The following ZFPM2 variants were observed in gnomAD, a reference collection of about 807,000 sequenced individuals.
ZFPM2 encodes the protein zinc finger protein ZFPM2.
Under a neutral mutation model 98.6 loss-of-function variants are expected in ZFPM2, and 20 were observed. The ratio of observed to expected loss-of-function variants is 0.20; its 90% CI spans 0.14 to 0.29. ZFPM2 has a LOEUF of 0.29. ZFPM2 is among the 10% of genes least tolerant of loss of function. ZFPM2 has a pLI of 1.00. For missense variants in ZFPM2, 1,310 were observed against 1,388.6 expected, an observed-to-expected ratio of 0.94 and a Z score of 0.90; for synonymous variants, 518 against 502.7, an observed-to-expected ratio of 1.03 and a Z score of -0.41.
intron 2 of ZFPM2, 26 bp downstream of exon 2, chr8:105,419,328 A>T (rs754393862): frequency 6.2e-7 from 1 of 1,605,640 alleles, no homozygotes. Context: ...TGGATGTAAT[A>T]TGTGAGTCCA....
intron 4 of ZFPM2, among the ~76,000 whole-genome samples, chr8:105,615,074 C>A (rs778961126): frequency 1.6e-4 from 24 of 151,944 alleles, no homozygotes; most frequent in Non-Finnish European, 2.9e-4. Context: ...GTATGGTATG[C>A]CCTTATCAAT....
intron 4 of ZFPM2, among the ~76,000 whole-genome samples, chr8:105,584,789 G>A (rs2130750440): frequency 6.6e-6 from 1 of 152,268 alleles, no homozygotes; most frequent in African/African-American, 2.4e-5. Context: ...ACAGTGGTCT[G>A]TATCTCACCA....
Position 105,740,557 on chromosome 8 carries a change from T to C in ZFPM2, c.533-48161T>C, listed in dbSNP as rs574202131. The stretch of plus-strand genomic sequence containing the variant: ...TATATATATATTATATATATATATA[T>C]ACATGTGTTATATATGTATATATAA... On this transcript the variant is annotated intron_variant, in intron 5 of 7. Transcript: ENST00000407775. Among the ~76,000 whole-genome samples the C allele has an allele frequency of 1.6e-4, 24 of 147,848 alleles. No homozygotes were observed. The South Asian group carries it at 4.6e-3, about 28-fold the overall frequency.
chr8:105,559,943 C>T (rs2130695012), intron 3 of ZFPM2, among the ~76,000 whole-genome samples: 1 of 151,998 alleles, frequency 6.6e-6, no homozygotes. Context: ...CGCGGTGGCT[C>T]ACGCCTGTAA....
chr8:105,561,255 T>C lies in ZFPM2; in HGVS notation c.302-108T>C, dbSNP rs1815128099. On this transcript the variant is annotated intron_variant, in intron 3 of 7. Coordinates refer to ENST00000407775, the MANE Select transcript of ZFPM2 (RefSeq NM_012082.4). The stretch of plus-strand genomic sequence containing the variant: ...TCAGACAAGCATAATTAATTCTCTT[T>C]ATATGAATCCTGAGAATATCATGTG... The C allele has an allele frequency of 8.4e-6, 7 of 830,356 alleles. No individual in the cohort carries two copies. The South Asian group carries it at 1.1e-4, about 13-fold the overall frequency. 51.4% of individuals were successfully genotyped at this position (830,356 alleles called of 1,614,324 possible).
chr8:105,620,280 C>T (rs897120471), intron 4 of ZFPM2, among the ~76,000 whole-genome samples: 34 of 152,216 alleles, frequency 2.2e-4, no homozygotes, highest in African/African-American at 7.9e-4. Context: ...CTCTGATGGC[C>T]AGTGATGATG....
chr8:105,385,672 C>T (rs934848842), intron 1 of ZFPM2, among the ~76,000 whole-genome samples: 1 of 152,190 alleles, frequency 6.6e-6, no homozygotes, highest in Non-Finnish European at 1.5e-5. Context: ...TGCTTCCAAA[C>T]TACATCACTC....
At position 105,782,889 on chromosome 8, in the gene ZFPM2, A is replaced by G. The variant is rs369728770; in HGVS notation, c.533-5829A>G. On this transcript the variant is annotated intron_variant, in intron 5 of 7. Coordinates refer to ENST00000407775, the MANE Select transcript of ZFPM2 (RefSeq NM_012082.4). ...GGGCATATTAAGCATACTGCTTCTT[A>G]TGAAAGCCACAGAAAACATGTTTAG... is the stretch of plus-strand genomic sequence containing the variant. Among the ~76,000 whole-genome samples the G allele has an allele frequency of 3.9e-5, 6 of 152,258 alleles. No homozygotes were observed. The East Asian group carries it at 1.2e-3, about 29-fold the overall frequency.
intron 4 of ZFPM2, among the ~76,000 whole-genome samples, chr8:105,590,722 A>C (rs1815822984): frequency 6.6e-6 from 1 of 152,236 alleles, no homozygotes; most frequent in Non-Finnish European, 1.5e-5. Context: ...GTATAGACAC[A>C]CATGCATGAG....
At chr8:105,460,283 A>C (rs960338983) in intron 3 of ZFPM2, among the ~76,000 whole-genome samples, 1 of 152,176 alleles carries the variant, frequency 6.6e-6, no homozygotes, top group Non-Finnish European at 1.5e-5. Flanking sequence ...ATCCTGGAGA[A>C]TTTAGAGAGA....
intron 4 of ZFPM2, among the ~76,000 whole-genome samples, chr8:105,599,121 A>G (rs537029000): frequency 6.6e-6 from 1 of 152,050 alleles, no homozygotes; most frequent in African/African-American, 2.4e-5. Flanking sequence ...TCAGAACTGA[A>G]CCTAAGAAAA....
intron 2 of ZFPM2, among the ~76,000 whole-genome samples, chr8:105,424,895 T>C (rs966252666): frequency 7.2e-5 from 11 of 152,148 alleles, no homozygotes; most frequent in African/African-American, 2.6e-4. Context: ...TAAAGTTCGG[T>C]GAGATAGAGG....
intron 3 of ZFPM2, among the ~76,000 whole-genome samples, chr8:105,475,985 G>A (rs1276751078): frequency 6.6e-6 from 1 of 152,104 alleles, no homozygotes; most frequent in South Asian, 2.1e-4. Context: ...AGAATTTTAC[G>A]GACTAGCATT....
rs767693837 is a variant in ZFPM2 at position 105,802,489 on chromosome 8, C to T, written c.2407C>T (p.Leu803=). ...TGTCTCTAAACACTTGGAAACTTCT[C>T]TGACGATCAACAAGTGTGTTCCAGT... ...GIVSKHLETS[L]TINKCVPVSK... Residue 803 remains leucine (L), a synonymous_variant, in exon 8 of 8, where the codon CTG becomes TTG. Transcript: ENST00000407775. 6.2e-7 allele frequency: 1 copy of T among 1,612,896 alleles called. No individual in the cohort carries two copies. Among genetic ancestry groups the T allele is most frequent in the Non-Finnish European group, 8.5e-7 (1 of 1,179,438 alleles).
intron 4 of ZFPM2, among the ~76,000 whole-genome samples, chr8:105,597,897 T>A (rs1816004285): frequency 1.3e-5 from 2 of 152,000 alleles, no homozygotes; most frequent in Non-Finnish European, 2.9e-5. Context: ...AATATGAAAT[T>A]TGAATAGATA....
At chr8:105,379,931 C>A (rs1251552058) in intron 1 of ZFPM2, among the ~76,000 whole-genome samples, 4 of 151,966 alleles carry the variant, frequency 2.6e-5, no homozygotes, top group Admixed American at 6.6e-5. Flanking sequence ...AGAAAATACA[C>A]TGAGGATGGG....
intron 5 of ZFPM2, among the ~76,000 whole-genome samples, chr8:105,644,754 C>T (rs1459613253): frequency 6.6e-6 from 1 of 152,134 alleles, no homozygotes; most frequent in Non-Finnish European, 1.5e-5. Context: ...TGTGGATGGG[C>T]ACCTTCTTGC....
Position 105,469,999 on chromosome 8 carries a change from A to C in ZFPM2, c.301+25618A>C, listed in dbSNP as rs182227599. On this transcript the variant is annotated intron_variant, in intron 3 of 7. Coordinates refer to ENST00000407775, the MANE Select transcript of ZFPM2 (RefSeq NM_012082.4). ...TTACTACCCAATAAGTACTTAAAAT[A>C]TTAGCCATTGTTATGATAATGACAT... Among the ~76,000 whole-genome samples, 513 of 152,346 alleles carry C rather than the reference A, an allele frequency of 3.4e-3. 1 individual carries two copies. The highest frequency in any genetic ancestry group is 0.011 in the African/African-American group (476 of 41,584).
intron 4 of ZFPM2, among the ~76,000 whole-genome samples, chr8:105,610,016 A>T (rs191689778): frequency 8.9e-4 from 136 of 152,280 alleles, no homozygotes; most frequent in Admixed American, 1.4e-3. Context: ...TTGTCCTCAG[A>T]TAGGATAACC....
Sources: allele counts gnomAD v4.1 joint callset (sites outside exome capture counted in the v4.1 genomes callset), GRCh38; gene constraint gnomAD v4.1.1; transcripts MANE v1.5; gene names NCBI Gene and HGNC (gene_info 2026-07-23, HGNC 2026-07-21).